Variants in HIVEP3 observed in about 807,000 individuals in gnomAD.
HIVEP3 encodes the protein HIVEP zinc finger 3, also known as transcription factor HIVEP3.
In HIVEP3, 49 loss-of-function variants were observed where a neutral mutation model predicts 152.8. That is an observed-to-expected ratio of 0.32 (90% CI 0.26 to 0.41). HIVEP3 has a LOEUF of 0.41. HIVEP3 is among the 10% of genes least tolerant of loss of function. The pLI is 1.00. For synonymous variants in HIVEP3, 1,269 were observed against 1,289.0 expected (o/e 0.98, Z 0.33); for missense variants, 2,790 against 3,103.3 (o/e 0.90, Z 2.40).
At chr1:41,620,438 C>T (rs896623587) in intron 3 of HIVEP3, among the ~76,000 whole-genome samples, 1 of 152,166 alleles carries the variant, frequency 6.6e-6, no homozygotes, top group African/African-American at 2.4e-5. Flanking sequence ...ATCCTCCTGT[C>T]CTGCCCTACC....
intron 1 of HIVEP3, among the ~76,000 whole-genome samples, chr1:42,028,857 G>A (rs902905055): frequency 6.6e-6 from 1 of 152,152 alleles, no homozygotes; most frequent in African/African-American, 2.4e-5. Flanking sequence ...CCAGGGTGGG[G>A]AATATGGCAA....
chr1:42,004,378 C>T (rs978941090), intron 1 of HIVEP3, among the ~76,000 whole-genome samples: 3 of 152,122 alleles, frequency 2.0e-5, no homozygotes, highest in Non-Finnish European at 4.4e-5. Context: ...ATTATGTTTG[C>T]ACATCCAGTG....
At chr1:41,920,932 T>G (rs894666702), upstream of HIVEP3, among the ~76,000 whole-genome samples, 11 of 152,228 alleles carry the variant, frequency 7.2e-5, no homozygotes, top group Admixed American at 7.2e-4. Context: ...TCTGTTCTCC[T>G]GAGTAAACTA....
At chr1:41,842,394 A>C (rs1208170420) in intron 1 of HIVEP3, among the ~76,000 whole-genome samples, 2 of 152,144 alleles carry the variant, frequency 1.3e-5, no homozygotes, top group African/African-American at 4.8e-5. Context: ...CAGGTTTGGC[A>C]ACTCACTCCC....
intron 1 of HIVEP3, among the ~76,000 whole-genome samples, chr1:41,881,517 T>C (rs951991785): frequency 6.6e-6 from 1 of 152,236 alleles, no homozygotes; most frequent in Non-Finnish European, 1.5e-5. Flanking sequence ...GGTAAATACA[T>C]AGTAATCAGT....
chr1:41,721,372 A>C (rs1167135219), intron 1 of HIVEP3, among the ~76,000 whole-genome samples: 2 of 151,964 alleles, frequency 1.3e-5, no homozygotes, highest in Non-Finnish European at 2.9e-5. Flanking sequence ...CGCTCGACTA[A>C]TTTTTGTATT....
At chr1:41,520,271 G>A (rs1642727095) in intron 6 of HIVEP3, among the ~76,000 whole-genome samples, 1 of 152,158 alleles carries the variant, frequency 6.6e-6, no homozygotes, top group Admixed American at 6.5e-5. Context: ...GGATGGGAGG[G>A]GAGCTGTTTC....
intron 1 of HIVEP3, among the ~76,000 whole-genome samples, chr1:41,812,480 G>A (rs1651020540): frequency 6.6e-6 from 1 of 152,022 alleles, no homozygotes; most frequent in Non-Finnish European, 1.5e-5. Flanking sequence ...TAAATAAGAT[G>A]TCATGGATAT....
At chr1:41,850,995 A>G (rs1643581471) in intron 1 of HIVEP3, among the ~76,000 whole-genome samples, 2 of 152,156 alleles carry the variant, frequency 1.3e-5, no homozygotes. Context: ...TCTCCTGATC[A>G]TCTACCCAAG....
At chr1:41,724,660 C>T (rs1421227713) in intron 1 of HIVEP3, among the ~76,000 whole-genome samples, 3 of 152,192 alleles carry the variant, frequency 2.0e-5, no homozygotes, top group African/African-American at 4.8e-5. Flanking sequence ...GTCAGTGAGA[C>T]GTGATGCATT....
chr1:41,951,005 A>C (rs1645103525), intron 1 of HIVEP3, among the ~76,000 whole-genome samples: 1 of 152,220 alleles, frequency 6.6e-6, no homozygotes, highest in Non-Finnish European at 1.5e-5. Flanking sequence ...TTGAACTTTA[A>C]GGAAGAAAAC....
At chr1:41,570,435 T>A (rs1299861516) in intron 5 of HIVEP3, among the ~76,000 whole-genome samples, 1 of 152,202 alleles carries the variant, frequency 6.6e-6, no homozygotes, top group Non-Finnish European at 1.5e-5. Context: ...GATGGTTTCA[T>A]AAGCGTTTGG....
rs762101750 is a variant in HIVEP3 at position 41,582,616 on chromosome 1, G to A, written c.2182C>T (p.Pro728Ser). Reference protein sequence around the residue: ...EKSLGDEEEPPAFESTKSQFG... With the variant: ...EKSLGDEEEPSAFESTKSQFG... ...TGACTTTTTGTGGACTCAAAGGCAG[G>A]TGGCTCTTCCTCGTCCCCAAGGCTC... The change falls in exon 4 of 9, where the codon CCT becomes TCT. Residue 728 changes from proline (P) to serine (S), a missense_variant. Physicochemically the swap from Pro to Ser is moderately conservative, Grantham distance 74. Transcript: ENST00000372583. This position sits in a 1 kb window ranked among gnomAD's most constrained non-coding sequence, Gnocchi z 4.7. 3.1e-6 allele frequency: 5 copies of A among 1,613,534 alleles called. No individual in the cohort carries two copies. The Admixed American group carries it at 5.0e-5, about 16-fold the overall frequency.
Position 41,506,955 on chromosome 1 carries a change from C to T in HIVEP3, c.*3496G>A, listed in dbSNP as rs986900813. On this transcript the variant is annotated 3_prime_UTR_variant, in exon 9 of 9. Coordinates refer to ENST00000372583, the MANE Select transcript of HIVEP3 (RefSeq NM_024503.5). ...GATTTATTAAAGTGACCATAAGTGC[C>T]GAAGCGGTTTTCTAATGGAAAGCAG... is the stretch of plus-strand genomic sequence containing the variant. 5.3e-5 allele frequency: 8 copies of T among 151,042 alleles called. No individual in the cohort carries two copies. Among genetic ancestry groups the T allele is most frequent in the African/African-American group, 1.2e-4 (5 of 40,956 alleles). 9.4% of individuals were successfully genotyped at this position (151,042 alleles called of 1,614,324 possible). A position where few individuals can be genotyped will look rare whatever the true frequency, so the allele number is the denominator to read the frequency against.
At chr1:41,870,182 C>T (rs934841268) in intron 1 of HIVEP3, among the ~76,000 whole-genome samples, 1 of 152,110 alleles carries the variant, frequency 6.6e-6, no homozygotes, top group Admixed American at 6.5e-5. Context: ...CCCCACCCCA[C>T]CATCCTCATC....
intron 1 of HIVEP3, among the ~76,000 whole-genome samples, chr1:41,822,563 G>C (rs1642638732): frequency 6.6e-6 from 1 of 152,222 alleles, no homozygotes; most frequent in South Asian, 2.1e-4. Context: ...AGAGTGGTTA[G>C]AGGTTCTTCT....
intron 1 of HIVEP3, among the ~76,000 whole-genome samples, chr1:42,011,490 T>C (rs1365263415): frequency 6.6e-6 from 1 of 152,240 alleles, no homozygotes; most frequent in Non-Finnish European, 1.5e-5. Flanking sequence ...CTGGGTAAAA[T>C]TAATCATTTC....
intron 3 of HIVEP3, among the ~76,000 whole-genome samples, chr1:41,600,315 C>T (rs570798265): frequency 5.3e-5 from 8 of 152,266 alleles, no homozygotes; most frequent in African/African-American, 1.9e-4. Flanking sequence ...GGAAGCAATC[C>T]AAATGTCCAT....
intron 2 of HIVEP3, among the ~76,000 whole-genome samples, chr1:41,650,834 A>G (rs1423458990): frequency 1.3e-5 from 2 of 152,204 alleles, no homozygotes; most frequent in South Asian, 2.1e-4. Flanking sequence ...CTCCCACGTT[A>G]AGACCTGAAG....
Sources: gnomAD v4.1 joint callset for allele counts (sites outside exome capture counted in the v4.1 genomes callset) on GRCh38, gnomAD v4.1.1 for gene constraint, Gnocchi (gnomAD v3.1) non-coding constraint, MANE v1.5 for transcripts, NCBI Gene and HGNC (gene_info 2026-07-23, HGNC 2026-07-21) for gene names.